UBE4A: variants seen among roughly 807,000 people sequenced by gnomAD.
UBE4A encodes ubiquitination factor E4A, also known as ubiquitin conjugation factor E4 A.
Under a neutral mutation model 117.9 loss-of-function variants are expected in UBE4A, and 48 were observed. The observed-to-expected ratio is 0.41, with a 90% CI of 0.32 to 0.52. UBE4A has a LOEUF of 0.52. Ranked by LOEUF, UBE4A falls within the 20% of genes least tolerant of loss-of-function variation. The pLI is 0.33. For missense variants in UBE4A, 1,067 were observed against 1,296.3 expected (o/e 0.82, Z 2.72); for synonymous variants, 407 against 450.0 (o/e 0.90, Z 1.21).
rs1555130075 is a variant in UBE4A, at chr11:118,397,728, A to C, written c.*1288A>C. On this transcript the variant is annotated 3_prime_UTR_variant, in exon 20 of 20. Coordinates refer to ENST00000252108, the MANE Select transcript of UBE4A (RefSeq NM_001204077.2). ...CATAAGTGACAAGAAAAGTGATAGG[A>C]TCAAGAAATGGGTGTCACTGCTTCA... 6.6e-6 allele frequency: 1 copy of C among 152,234 alleles called. No individual in the cohort carries two copies. The highest frequency in any genetic ancestry group is 1.5e-5 in the Non-Finnish European group (1 of 68,040). 9.4% of individuals were successfully genotyped at this position (152,234 alleles called of 1,614,324 possible). A position where few individuals can be genotyped will look rare whatever the true frequency, so the allele number is the denominator to read the frequency against.
chr11:118,386,407 C>G, intron 15 of UBE4A, 31 bp from the exon 16 acceptor site: 1 of 1,576,402 alleles, frequency 6.3e-7, no homozygotes, highest in Non-Finnish European at 8.6e-7. Context: ...CACCTTTCTT[C>G]TCTGATATAT....
intron 1 of UBE4A, among the ~76,000 whole-genome samples, chr11:118,360,314 C>T (rs1948510634): frequency 6.6e-6 from 1 of 152,092 alleles, no homozygotes; most frequent in South Asian, 2.1e-4. Flanking sequence ...TGTTTAGTCT[C>T]GCTGTCATTT....
chr11:118,363,963 A>G (rs17122113), intron 1 of UBE4A, among the ~76,000 whole-genome samples: 27,323 of 152,044 alleles, frequency 0.18, 3,115 homozygotes, highest in East Asian at 0.51. Context: ...TCTTGCCTCA[A>G]TAAACCAAAG....
Position 118,365,045 on chromosome 11 carries a change from C to G in UBE4A, c.-36C>G. The G allele has an allele frequency of 1.2e-6, 2 of 1,606,398 alleles. No homozygotes were observed. Among genetic ancestry groups the G allele is most frequent in the Non-Finnish European group, 1.7e-6 (2 of 1,176,298 alleles). ...AATACCTGTCCTTTGAACAGCCTCT[C>G]CCACTAGGTCTGGATGGAGGATACC... On this transcript the variant is annotated 5_prime_UTR_variant, in exon 2 of 20. Coordinates refer to ENST00000252108, the MANE Select transcript of UBE4A (RefSeq NM_001204077.2).
intron 1 of UBE4A, among the ~76,000 whole-genome samples, chr11:118,362,503 G>C (rs989641336): frequency 4.6e-5 from 7 of 152,146 alleles, no homozygotes; most frequent in Non-Finnish European, 1.0e-4. Flanking sequence ...ACGTGTTGCA[G>C]GTGATGCATG....
At chr11:118,395,766 T>A (rs1555129530) in intron 19 of UBE4A, among the ~76,000 whole-genome samples, 1 of 152,154 alleles carries the variant, frequency 6.6e-6, no homozygotes, top group East Asian at 1.9e-4. Context: ...ACAGCAGTGT[T>A]GAGACAAAGT....
In UBE4A at chr11:118,379,495, G is replaced by T. The variant is rs958142652; in HGVS notation, c.1621G>T (p.Val541Phe). 6.2e-7 allele frequency: 1 copy of T among 1,614,140 alleles called. No individual in the cohort carries two copies. The highest frequency in any genetic ancestry group is 1.7e-5 in the Admixed American group (1 of 60,024). Reference protein sequence around the residue: ...KINQNLHRLQVAWRDAQQSSS... With the variant: ...KINQNLHRLQFAWRDAQQSSS... ...CAACCAAAATCTGCATCGGCTGCAG[G>T]TTGCCTGGCGGGATGCTCAGCAAAG... is the stretch of plus-strand genomic sequence containing the variant. The change falls in exon 11 of 20, where the codon GTT becomes TTT. Residue 541 changes from valine to phenylalanine, a missense_variant. Physicochemically the swap from Val to Phe is conservative, Grantham distance 50. Coordinates refer to ENST00000252108, the MANE Select transcript of UBE4A (RefSeq NM_001204077.2).
Position 118,367,245 on chromosome 11 carries a change from TTAA to T in UBE4A, c.122-1385_122-1383del, listed in dbSNP as rs993236731. Among the ~76,000 whole-genome samples, 32 of 136,094 alleles carry T rather than the reference TTAA, an allele frequency of 2.4e-4. 1 individual carries two copies. In the South Asian group the frequency reaches 8.1e-3, roughly 34 times the overall value. The allele number at this position is 136,094 out of a possible 152,430, so 89.3% of individuals were successfully genotyped here. On this transcript the variant is annotated intron_variant, in intron 2 of 19. Transcript: ENST00000252108. ...GGGAGCAGATTTTGAGGACAGAAGT[TTAA>T]AAAAAAAAAAATCGAAGGAATTTCA...
chr11:118,368,821 T>C lies in UBE4A; in HGVS notation c.295+17T>C, dbSNP rs765914665. 33 of 1,613,326 alleles carry C rather than the reference T, an allele frequency of 2.0e-5. No homozygotes were observed. Among genetic ancestry groups the C allele is most frequent in the African/African-American group, 8.0e-5 (6 of 74,930 alleles). ...TGGACAACAGTGAGTTACAAACTTATAGCATTATTCTACCCTTCCTATTTG... is the reference window on the plus strand; with the variant it reads ...TGGACAACAGTGAGTTACAAACTTACAGCATTATTCTACCCTTCCTATTTG... On this transcript the variant is annotated intron_variant, in intron 3 of 19. Coordinates refer to ENST00000252108, the MANE Select transcript of UBE4A (RefSeq NM_001204077.2).
chr11:118,387,257 A>T (rs555578962), intron 16 of UBE4A, among the ~76,000 whole-genome samples: 10 of 152,302 alleles, frequency 6.6e-5, no homozygotes, highest in South Asian at 4.1e-4. Flanking sequence ...AAAACTTTTT[A>T]AAAAAACTTT....
chr11:118,383,145 C>T (rs1176160232), intron 13 of UBE4A, among the ~76,000 whole-genome samples: 1 of 152,146 alleles, frequency 6.6e-6, no homozygotes, highest in Non-Finnish European at 1.5e-5. Context: ...TATGTTGCAT[C>T]ATCAAATCAG....
intron 19 of UBE4A, among the ~76,000 whole-genome samples, chr11:118,394,977 G>A (rs1314389259): frequency 6.6e-6 from 1 of 152,070 alleles, no homozygotes; most frequent in Admixed American, 6.5e-5. Flanking sequence ...TAAATAAACA[G>A]ATAGATACAT....
rs1460247761 is a variant in UBE4A at position 118,378,593 on chromosome 11, G to A, written c.1572-853G>A. Reference sequence around the variant, plus strand: ...GCCTTCTCAAGATACCTGAATTGATGCAGAGCATTTTTCAAAACTACTCAG... The same window carrying A: ...GCCTTCTCAAGATACCTGAATTGATACAGAGCATTTTTCAAAACTACTCAG... On this transcript the variant is annotated intron_variant, in intron 10 of 19. Transcript: ENST00000252108. 2.0e-5 allele frequency: 3 copies of A among 152,336 alleles called. No homozygotes were observed. The East Asian group carries it at 5.8e-4, about 29-fold the overall frequency. 9.4% of individuals were successfully genotyped at this position (152,336 alleles called of 1,614,324 possible). A position where few individuals can be genotyped will look rare whatever the true frequency, so the allele number is the denominator to read the frequency against.
intron 15 of UBE4A, among the ~76,000 whole-genome samples, 182 bp from the exon 16 acceptor site, chr11:118,386,256 C>CT: frequency 6.6e-6 from 1 of 152,244 alleles, no homozygotes; most frequent in East Asian, 1.9e-4. Flanking sequence ...GCCACAATTT[C>CT]TTTTTTTCCT....
In UBE4A at chr11:118,396,547, C is replaced by CTTTTTTTTTTT. The variant is rs5795126; in HGVS notation, c.*115_*125dup. 2.8e-5 allele frequency: 23 copies of CTTTTTTTTTTT among 817,826 alleles called. No homozygotes were observed. Among genetic ancestry groups the CTTTTTTTTTTT allele is most frequent in the African/African-American group, 8.4e-5 (4 of 47,794 alleles). The allele number at this position is 817,826 out of a possible 1,614,324, so 50.7% of individuals were successfully genotyped here. A position where few individuals can be genotyped will look rare whatever the true frequency, so the allele number is the denominator to read the frequency against. ...TCCTTTTCTTTCTTCTTTTCTTTTT[C>CTTTTTTTTTTT]TTTTTTTTTTTTTTTTTTACTAAAT... On this transcript the variant is annotated 3_prime_UTR_variant, in exon 20 of 20. Transcript: ENST00000252108.
chr11:118,391,489 AAAAAAAG>A (rs1948816812), intron 18 of UBE4A, among the ~76,000 whole-genome samples: 4 of 145,398 alleles, frequency 2.8e-5, no homozygotes, highest in South Asian at 2.2e-4. Flanking sequence ...TCTCAAAAAA[AAAAAAAG>A]AAAAAAGAAA....
rs759286724 is a variant in UBE4A at position 118,373,676 on chromosome 11, C to T, written c.1107C>T (p.Asn369=). 1.1e-5 allele frequency: 18 copies of T among 1,613,488 alleles called. No individual in the cohort carries two copies. Among genetic ancestry groups the T allele is most frequent in the Admixed American group, 3.3e-5 (2 of 59,926 alleles). The change falls in exon 8 of 20, where the codon AAC becomes AAT. Residue 369 remains asparagine (N), a synonymous_variant. Coordinates refer to ENST00000252108, the MANE Select transcript of UBE4A (RefSeq NM_001204077.2). The part of the protein sequence containing the change: ...SPQEIKVQEA[N]IHQFMAQFHE... ...AGGAGATCAAAGTACAGGAGGCCAA[C>T]ATCCATCAGGTGGAACTGTTTACCA...
chr11:118,363,699 C>T (rs1283836035), intron 1 of UBE4A, among the ~76,000 whole-genome samples: 1 of 150,868 alleles, frequency 6.6e-6, no homozygotes, highest in Non-Finnish European at 1.5e-5. Context: ...GCAACCTCTG[C>T]CTCCCGAGTC....
chr11:118,393,852 T>A (rs1233444885), intron 19 of UBE4A, among the ~76,000 whole-genome samples: 9 of 152,160 alleles, frequency 5.9e-5, no homozygotes, highest in African/African-American at 1.7e-4. Context: ...CACCTCAGCC[T>A]CCCAAAGTGC....
Sources: gnomAD v4.1 joint callset for allele counts (sites outside exome capture counted in the v4.1 genomes callset) on GRCh38, gnomAD v4.1.1 for gene constraint, MANE v1.5 for transcripts, NCBI Gene and HGNC (gene_info 2026-07-23, HGNC 2026-07-21) for gene names.